KCNIP4: variants seen among roughly 807,000 people sequenced by gnomAD.
The protein encoded by KCNIP4 is Kv channel-interacting protein 4.
Under a neutral mutation model 34.0 loss-of-function variants are expected in KCNIP4, and 12 were observed. That is an observed-to-expected ratio of 0.35 (90% CI 0.23 to 0.57). The LOEUF is 0.57. KCNIP4 is among the 20% of genes least tolerant of loss of function. The pLI is 0.83. For synonymous variants in KCNIP4, 124 were observed against 102.2 expected (o/e 1.21, Z -1.29); for missense variants, 238 against 311.7 (o/e 0.76, Z 1.78).
chr4:21,611,477 G>T (rs1352203224), intron 1 of KCNIP4, among the ~76,000 whole-genome samples: 2 of 152,112 alleles, frequency 1.3e-5, no homozygotes, highest in Non-Finnish European at 2.9e-5. Flanking sequence ...GGATTATGGA[G>T]ATTACAATTC....
chr4:21,500,187 A>G (rs546461002), intron 1 of KCNIP4, among the ~76,000 whole-genome samples: 40 of 152,278 alleles, frequency 2.6e-4, no homozygotes, highest in African/African-American at 8.9e-4. Context: ...AATTCCTACA[A>G]TACTAGCGTT....
intron 1 of KCNIP4, among the ~76,000 whole-genome samples, chr4:21,596,751 C>T (rs1394136): frequency 0.81 from 122,893 of 151,858 alleles, 49,884 homozygotes; most frequent in East Asian, 0.97. Context: ...AGTACAAATG[C>T]GTCTTCCCCC....
At chr4:21,381,464 G>A (rs1721497096) in intron 1 of KCNIP4, among the ~76,000 whole-genome samples, 1 of 151,990 alleles carries the variant, frequency 6.6e-6, no homozygotes, top group Non-Finnish European at 1.5e-5. Flanking sequence ...TGGCATTCTT[G>A]GCTCATTCAT....
At chr4:21,248,034 A>G (rs1334899977) in intron 1 of KCNIP4, among the ~76,000 whole-genome samples, 1 of 127,250 alleles carries the variant, frequency 7.9e-6, no homozygotes, top group African/African-American at 3.1e-5. Flanking sequence ...ATATATGTGT[A>G]CACCACAGGT....
rs551363925 is a variant in KCNIP4 at position 21,806,635 on chromosome 4, T to A, written c.61+141936A>T. Among the ~76,000 whole-genome samples, 416 of 152,318 alleles carry A rather than the reference T, an allele frequency of 2.7e-3. 2 individuals are homozygous for A. Among genetic ancestry groups the A allele is most frequent in the Admixed American group, 5.1e-3 (78 of 15,284 alleles). ...TACAACTGTGCATAAATGCACACTA[T>A]TAACTTCTCAAAGTTCATGACCTGT... On this transcript the variant is annotated intron_variant, in intron 1 of 8. Coordinates refer to ENST00000382152, the MANE Select transcript of KCNIP4 (RefSeq NM_025221.6).
intron 1 of KCNIP4, among the ~76,000 whole-genome samples, chr4:21,763,199 T>C (rs1718175823): frequency 6.6e-6 from 1 of 152,282 alleles, no homozygotes; most frequent in Admixed American, 6.5e-5. Flanking sequence ...ATTTTAAATA[T>C]AGCTGCAGTC....
At chr4:21,040,911 T>C (rs1212968751) in intron 1 of KCNIP4, among the ~76,000 whole-genome samples, 4 of 151,012 alleles carry the variant, frequency 2.6e-5, no homozygotes, top group African/African-American at 4.9e-5. Flanking sequence ...TGGTTAACTG[T>C]CTTCATGTGA....
intron 1 of KCNIP4, among the ~76,000 whole-genome samples, chr4:21,875,665 A>T (rs1726071764): frequency 1.3e-5 from 2 of 152,194 alleles, no homozygotes; most frequent in South Asian, 4.1e-4. Flanking sequence ...AGAGAAGAAC[A>T]TTGTATCCTT....
intron 1 of KCNIP4, among the ~76,000 whole-genome samples, chr4:21,433,740 A>C (rs1426205297): frequency 6.6e-6 from 1 of 152,198 alleles, no homozygotes; most frequent in South Asian, 2.1e-4. Flanking sequence ...ATCCTCTGCT[A>C]TAGCCAATTT....
intron 1 of KCNIP4, among the ~76,000 whole-genome samples, chr4:21,036,807 A>G (rs912473821): frequency 1.3e-5 from 2 of 152,238 alleles, no homozygotes; most frequent in African/African-American, 4.8e-5. Flanking sequence ...TGCAATGCAT[A>G]ATGATGCTTT....
chr4:21,652,073 C>T (rs1747528218), intron 1 of KCNIP4, among the ~76,000 whole-genome samples: 1 of 152,152 alleles, frequency 6.6e-6, no homozygotes, highest in Admixed American at 6.6e-5. Context: ...ACACCTCTAA[C>T]ACTTCTATAT....
At chr4:21,522,193 A>G (rs1735588214) in intron 1 of KCNIP4, among the ~76,000 whole-genome samples, 1 of 152,154 alleles carries the variant, frequency 6.6e-6, no homozygotes, top group South Asian at 2.1e-4. Context: ...CCCCCATGCC[A>G]ATTGACTGAG....
At chr4:20,742,812 A>T (rs1364591895) in intron 5 of KCNIP4, among the ~76,000 whole-genome samples, 1 of 152,242 alleles carries the variant, frequency 6.6e-6, no homozygotes, top group Non-Finnish European at 1.5e-5. Context: ...ATATTTAGAA[A>T]ACCCTGTCGT....
intron 1 of KCNIP4, among the ~76,000 whole-genome samples, chr4:21,553,528 G>C (rs1304461601): frequency 6.6e-6 from 1 of 151,980 alleles, no homozygotes; most frequent in Non-Finnish European, 1.5e-5. Flanking sequence ...CACTTTTCTG[G>C]AAGCCTTTTA....
chr4:21,226,715 G>A (rs1006954115), intron 1 of KCNIP4, among the ~76,000 whole-genome samples: 6 of 152,146 alleles, frequency 3.9e-5, no homozygotes, highest in Non-Finnish European at 7.3e-5. Flanking sequence ...CAGGGCCTGG[G>A]AGAATGTGTT....
chr4:21,554,422 C>T (rs533471053), intron 1 of KCNIP4, among the ~76,000 whole-genome samples: 1 of 152,216 alleles, frequency 6.6e-6, no homozygotes, highest in South Asian at 2.1e-4. Flanking sequence ...ATTTCTAAGG[C>T]AGACATTCTA....
intron 1 of KCNIP4, among the ~76,000 whole-genome samples, chr4:21,356,968 T>G (rs149381993): frequency 0.024 from 3,577 of 152,018 alleles, 111 homozygotes; most frequent in Admixed American, 0.082. Context: ...CCAAAACAGA[T>G]ATATAGACCA....
intron 1 of KCNIP4, among the ~76,000 whole-genome samples, chr4:21,460,194 G>A (rs370493109): frequency 1.0e-4 from 15 of 150,308 alleles, no homozygotes; most frequent in East Asian, 7.8e-4. Context: ...AGCATCCTGC[G>A]GCCTTGGGGC....
chr4:21,607,375 A>G (rs1459106970), intron 1 of KCNIP4, among the ~76,000 whole-genome samples: 1 of 152,128 alleles, frequency 6.6e-6, no homozygotes, highest in Non-Finnish European at 1.5e-5. Context: ...CTACTTTATC[A>G]AGATAGAAGA....
Sources: gnomAD v4.1 joint callset for allele counts (sites outside exome capture counted in the v4.1 genomes callset) on GRCh38, gnomAD v4.1.1 for gene constraint, MANE v1.5 for transcripts, NCBI Gene and HGNC (gene_info 2026-07-23, HGNC 2026-07-21) for gene names.